The following CDH8 variants were observed in gnomAD, a reference collection of about 807,000 sequenced individuals.
CDH8 encodes the protein cadherin-8.
In CDH8, 17 loss-of-function variants were observed where a neutral mutation model predicts 68.1. The ratio of observed to expected loss-of-function variants is 0.25; its 90% CI spans 0.17 to 0.37. The LOEUF (loss-of-function observed/expected upper bound fraction) is 0.37, where lower values mean the gene tolerates loss of function less well. CDH8 is among the 10% of genes least tolerant of loss of function. The pLI, the probability that CDH8 is intolerant of heterozygous loss-of-function variation, is 1.00. For missense variants in CDH8, 763 were observed against 999.3 expected (o/e 0.76, Z 3.19); for synonymous variants, 372 against 365.1 (o/e 1.02, Z -0.21).
At chr16:62,004,191 A>G (rs567087355) in intron 2 of CDH8, among the ~76,000 whole-genome samples, 1 of 152,328 alleles carries the variant, frequency 6.6e-6, no homozygotes, top group African/African-American at 2.4e-5. Flanking sequence ...GTCCCCACTC[A>G]GTGAACTAGG....
At chr16:61,687,836 T>A (rs1209949218) in intron 10 of CDH8, among the ~76,000 whole-genome samples, 1 of 152,010 alleles carries the variant, frequency 6.6e-6, no homozygotes, top group Non-Finnish European at 1.5e-5. Flanking sequence ...TTGCATAGCA[T>A]CTGTAAGCTA....
rs537273193 is a variant in CDH8, at chr16:61,779,393, T to A, written c.1414+9953A>T. ...AATGCCTCATCTTTCTTTGCCTCCC[T>A]TTGCAGTATTGTCAAATTTTAATGT... On this transcript the variant is annotated intron_variant, in intron 8 of 11. Coordinates refer to ENST00000577390, the MANE Select transcript of CDH8 (RefSeq NM_001796.5). Among the ~76,000 whole-genome samples, 3 of 151,432 alleles carry A rather than the reference T, an allele frequency of 2.0e-5. No individual in the cohort carries two copies. In the East Asian group the frequency reaches 5.9e-4, roughly 30 times the overall value.
intron 10 of CDH8, among the ~76,000 whole-genome samples, chr16:61,657,237 T>C (rs1381413975): frequency 6.6e-6 from 1 of 152,114 alleles, no homozygotes; most frequent in African/African-American, 2.4e-5. Flanking sequence ...AAATAAGTTT[T>C]GGAAAACTAC....
intron 7 of CDH8, among the ~76,000 whole-genome samples, chr16:61,792,012 C>T (rs946890900): frequency 2.0e-5 from 3 of 151,884 alleles, no homozygotes; most frequent in Non-Finnish European, 4.4e-5. Context: ...ATAGGCTCAT[C>T]ATCATCATCG....
At chr16:61,814,117 A>G (rs891486533) in intron 7 of CDH8, among the ~76,000 whole-genome samples, 17 of 152,344 alleles carry the variant, frequency 1.1e-4, no homozygotes, top group Admixed American at 6.5e-5. Flanking sequence ...TCACTTAATC[A>G]TCTCATTAAC....
intron 2 of CDH8, among the ~76,000 whole-genome samples, chr16:61,999,901 G>C (rs925452563): frequency 5.3e-5 from 8 of 151,922 alleles, no homozygotes; most frequent in Admixed American, 1.3e-4. Context: ...CTATCAACCC[G>C]TCATCTAGGT....
chr16:62,006,519 AT>A (rs1278224505), intron 2 of CDH8, among the ~76,000 whole-genome samples: 1 of 152,200 alleles, frequency 6.6e-6, no homozygotes, highest in Admixed American at 6.5e-5. Context: ...TTCAGGTAAG[AT>A]CTAAATGAGA....
At chr16:61,763,815 G>A (rs1168700760) in intron 8 of CDH8, among the ~76,000 whole-genome samples, 2 of 152,068 alleles carry the variant, frequency 1.3e-5, no homozygotes, top group Non-Finnish European at 2.9e-5. Flanking sequence ...GGGGATAGGT[G>A]AGGATTCTGT....
chr16:61,972,571 G>GGGGTGTGTGTGTGTGT (rs369833002), intron 2 of CDH8, among the ~76,000 whole-genome samples: 1 of 131,468 alleles, frequency 7.6e-6, no homozygotes, highest in African/African-American at 2.8e-5. Context: ...ACACATTGTG[G>GGGGTGTGTGTGTGTGT]GTGTGTGTGT....
intron 4 of CDH8, among the ~76,000 whole-genome samples, chr16:61,829,357 T>C (rs148831960): frequency 8.9e-4 from 135 of 151,968 alleles, no homozygotes; most frequent in Non-Finnish European, 1.7e-3. Flanking sequence ...GCCATACTTT[T>C]GTCAATTGTC....
chr16:61,819,398 T>C (rs1319305506), intron 6 of CDH8, among the ~76,000 whole-genome samples: 2 of 152,018 alleles, frequency 1.3e-5, no homozygotes, highest in African/African-American at 2.4e-5. Flanking sequence ...AAAATGGGAA[T>C]AATAACAATA....
chr16:61,990,415 A>T (rs1965695657), intron 2 of CDH8, among the ~76,000 whole-genome samples: 1 of 147,626 alleles, frequency 6.8e-6, no homozygotes, highest in Admixed American at 7.1e-5. Context: ...CCCAGGTTCA[A>T]GTGAATCTTG....
rs753973993 is a variant in CDH8 at position 61,724,950 on chromosome 16, A to C, written c.1536+2144T>G. 2.0e-5 allele frequency among the ~76,000 whole-genome samples: 3 copies of C among 150,930 alleles called. No homozygotes were observed. The Admixed American group carries it at 2.0e-4, about 10-fold the overall frequency. ...TGTAAGGAATAAAACCTGAATTCTG[A>C]CTAACATAAAGGATTCAAAGAGTTC... On this transcript the variant is annotated intron_variant, in intron 9 of 11. Transcript: ENST00000577390.
chr16:61,653,235 C>T lies in CDH8; in HGVS notation c.*373G>A, dbSNP rs1440293848. On this transcript the variant is annotated 3_prime_UTR_variant, in exon 12 of 12. Transcript: ENST00000577390. ...AGAAGACACATATCAGCAGCAGATT[C>T]CTTGCAGGTCCGTATTTTTTTTTCT... 8 of 1,186,386 alleles carry T rather than the reference C, an allele frequency of 6.7e-6. No homozygotes were observed. The highest frequency in any genetic ancestry group is 7.3e-6 in the Non-Finnish European group (7 of 961,592). The allele number at this position is 1,186,386 out of a possible 1,614,324, so 73.5% of individuals were successfully genotyped here.
At chr16:61,768,398 T>TTCTCTCTCTCTCTCTCTCTCTC (rs530131371) in intron 8 of CDH8, among the ~76,000 whole-genome samples, 2 of 35,218 alleles carry the variant, frequency 5.7e-5, no homozygotes, top group East Asian at 9.9e-4. Context: ...CTCTCTCCCT[T>TTCTCTCTCTCTCTCTCTCTCTC]TCTCTCTCTC....
At position 61,653,211 on chromosome 16, in the gene CDH8, G is replaced by C. The variant is rs1040135444; in HGVS notation, c.*397C>G. The C allele has an allele frequency of 1.4e-5, 17 of 1,204,690 alleles. No homozygotes were observed. The African/African-American group carries it at 2.4e-4, about 17-fold the overall frequency. 74.6% of individuals were successfully genotyped at this position (1,204,690 alleles called of 1,614,324 possible). A position where few individuals can be genotyped will look rare whatever the true frequency, so the allele number is the denominator to read the frequency against. On this transcript the variant is annotated 3_prime_UTR_variant, in exon 12 of 12. Transcript: ENST00000577390. ...ATTTGCATTCATAAAAATCCTTGCA[G>C]AAGACACATATCAGCAGCAGATTCC...
chr16:61,652,485 C>A lies in CDH8; in HGVS notation c.*1123G>T, dbSNP rs1238520682. On this transcript the variant is annotated 3_prime_UTR_variant, in exon 12 of 12. Coordinates refer to ENST00000577390, the MANE Select transcript of CDH8 (RefSeq NM_001796.5). The stretch of plus-strand genomic sequence containing the variant: ...GATTATGAACAAAATAGAAAACAGT[C>A]CAAAAGTTTGTCTGGGAAGATGCTG... The A allele has an allele frequency of 6.0e-6, 6 of 994,500 alleles. No homozygotes were observed. Among genetic ancestry groups the A allele is most frequent in the Non-Finnish European group, 7.2e-6 (6 of 836,170 alleles). The allele number at this position is 994,500 out of a possible 1,614,324, so 61.6% of individuals were successfully genotyped here. A position where few individuals can be genotyped will look rare whatever the true frequency, so the allele number is the denominator to read the frequency against.
chr16:61,951,463 A>G (rs1331486742), intron 2 of CDH8, among the ~76,000 whole-genome samples: 1 of 148,840 alleles, frequency 6.7e-6, no homozygotes, highest in East Asian at 2.0e-4. Context: ...CAGTGAGCCG[A>G]GATCATGCCA....
chr16:61,933,675 T>A lies in CDH8; in HGVS notation c.253-32202A>T, dbSNP rs74418933. Among the ~76,000 whole-genome samples the A allele has an allele frequency of 3.3e-5, 5 of 152,308 alleles. No individual in the cohort carries two copies. The East Asian group carries it at 9.7e-4, about 29-fold the overall frequency. On this transcript the variant is annotated intron_variant, in intron 2 of 11. Coordinates refer to ENST00000577390, the MANE Select transcript of CDH8 (RefSeq NM_001796.5). ...GATAAATTATTAATGAGGATACTAA[T>A]TAATCTATGTGCCTGTTTTTTTCTT... is the stretch of plus-strand genomic sequence containing the variant.
Sources: gnomAD v4.1 joint callset for allele counts (sites outside exome capture counted in the v4.1 genomes callset) on GRCh38, gnomAD v4.1.1 for gene constraint, MANE v1.5 for transcripts, NCBI Gene and HGNC (gene_info 2026-07-23, HGNC 2026-07-21) for gene names.